The following PHF21A variants were observed in gnomAD, a reference collection of about 807,000 sequenced individuals.
PHF21A encodes the protein PHD finger protein 21A, also known as BHC80a.
PHF21A carries 11 observed loss-of-function variants against 82.5 expected under a neutral mutation model. The observed-to-expected ratio is 0.13, with a 90% CI of 0.08 to 0.22. The LOEUF is 0.22. Ranked by LOEUF, PHF21A falls within the 10% of genes least tolerant of loss-of-function variation. PHF21A has a pLI of 1.00. For missense variants in PHF21A, 579 were observed against 837.8 expected (o/e 0.69, Z 3.81); for synonymous variants, 297 against 302.8 (o/e 0.98, Z 0.20).
chr11:45,990,576 C>G (rs1201720822), intron 6 of PHF21A, among the ~76,000 whole-genome samples: 1 of 152,036 alleles, frequency 6.6e-6, no homozygotes, highest in East Asian at 1.9e-4. Context: ...CATCTTCTTC[C>G]AGTATACTCC....
At chr11:45,999,437 G>A (rs2095039579) in intron 6 of PHF21A, among the ~76,000 whole-genome samples, 1 of 152,170 alleles carries the variant, frequency 6.6e-6, no homozygotes, top group African/African-American at 2.4e-5. Flanking sequence ...CAGTGAAATA[G>A]CACATAGTAT....
At chr11:46,043,309 T>C (rs1451874171) in intron 6 of PHF21A, among the ~76,000 whole-genome samples, 1 of 152,176 alleles carries the variant, frequency 6.6e-6, no homozygotes, top group Non-Finnish European at 1.5e-5. Context: ...AACAGATTTA[T>C]GCAATTGTGG....
intron 6 of PHF21A, among the ~76,000 whole-genome samples, chr11:46,009,046 C>A (rs1419627769): frequency 2.7e-5 from 4 of 146,058 alleles, no homozygotes; most frequent in Non-Finnish European, 5.9e-5. Flanking sequence ...GTGATCCCGG[C>A]TCACTGCAAC....
chr11:45,953,533 G>A lies in PHF21A; in HGVS notation c.1089C>T (p.Asn363=). The change falls in exon 11 of 19, where the codon AAC becomes AAT. Residue 363 remains asparagine (N), a synonymous_variant. Coordinates refer to ENST00000676320, the MANE Select transcript of PHF21A (RefSeq NM_001352027.3). ...PAAPKPKREE[N]PQKLAFMVSL... ...TTTGGAAACATAGGCCTACCTGAGGGTTCTCCTCCCGTTTTGGTTTGGGTG... is the reference window on the plus strand; with the variant it reads ...TTTGGAAACATAGGCCTACCTGAGGATTCTCCTCCCGTTTTGGTTTGGGTG... The A allele has an allele frequency of 1.2e-6, 2 of 1,608,202 alleles. No homozygotes were observed. Among genetic ancestry groups the A allele is most frequent in the South Asian group, 1.1e-5 (1 of 90,946 alleles).
At chr11:46,113,470 T>C (rs946096638) in intron 1 of PHF21A, among the ~76,000 whole-genome samples, 1 of 152,194 alleles carries the variant, frequency 6.6e-6, no homozygotes, top group Non-Finnish European at 1.5e-5. Flanking sequence ...AATATAATTT[T>C]TGAAATAGTT....
chr11:45,934,548 T>TA (rs371707698), intron 18 of PHF21A: 4,343 of 213,514 alleles, frequency 0.02, no homozygotes, highest in Middle Eastern at 0.028. Flanking sequence ...AAAGGTTGTT[T>TA]AAAAAAAAAA....
chr11:46,056,753 G>C (rs981261022), intron 6 of PHF21A, among the ~76,000 whole-genome samples: 2 of 152,080 alleles, frequency 1.3e-5, no homozygotes, highest in African/African-American at 4.8e-5. Context: ...CTGCTTAAAA[G>C]ACCCTTAGAG....
intron 3 of PHF21A, among the ~76,000 whole-genome samples, chr11:46,084,840 C>T (rs1014270944): frequency 1.8e-4 from 27 of 152,066 alleles, no homozygotes; most frequent in African/African-American, 6.5e-4. Context: ...CCACTACGCC[C>T]GGCTCATTTT....
rs1229245131 is a variant in PHF21A, at chr11:46,030,838, T to TGC, written c.153+45915_153+45916insGC. Among the ~76,000 whole-genome samples the TGC allele has an allele frequency of 1.3e-3, 91 of 69,364 alleles. 1 individual carries two copies. Among genetic ancestry groups the TGC allele is most frequent in the East Asian group, 7.8e-3 (2 of 258 alleles). 45.5% of individuals were successfully genotyped at this position (69,364 alleles called of 152,430 possible). A position where few individuals can be genotyped will look rare whatever the true frequency, so the allele number is the denominator to read the frequency against. On this transcript the variant is annotated intron_variant, in intron 6 of 18. Coordinates refer to ENST00000676320, the MANE Select transcript of PHF21A (RefSeq NM_001352027.3). ...GTGTGTGCGTGTGTGTGCGTGTGTG[T>TGC]GTGTGTGTGTGTGTGTGTGTGTGTG... is the stretch of plus-strand genomic sequence containing the variant.
intron 3 of PHF21A, among the ~76,000 whole-genome samples, chr11:46,085,032 T>C (rs889434005): frequency 1.3e-5 from 2 of 151,992 alleles, no homozygotes; most frequent in African/African-American, 4.8e-5. Context: ...GTTCAGGGTT[T>C]CTCGGAGGTT....
chr11:45,963,934 C>T (rs572733008), intron 10 of PHF21A, among the ~76,000 whole-genome samples: 3 of 152,152 alleles, frequency 2.0e-5, no homozygotes, highest in African/African-American at 7.2e-5. Context: ...CGTGGTGGCT[C>T]ATGCCTGTAA....
chr11:45,962,430 T>C (rs1158539197), intron 10 of PHF21A, among the ~76,000 whole-genome samples: 4 of 151,904 alleles, frequency 2.6e-5, no homozygotes, highest in Admixed American at 2.0e-4. Flanking sequence ...GAAATATAAA[T>C]AGAAAACAAG....
In PHF21A at chr11:45,932,790, G is replaced by A. The variant is rs2087803453; in HGVS notation, c.*1178C>T. 6.6e-6 allele frequency: 1 copy of A among 152,366 alleles called. No individual in the cohort carries two copies. Among genetic ancestry groups the A allele is most frequent in the Non-Finnish European group, 1.5e-5 (1 of 68,006 alleles). 9.4% of individuals were successfully genotyped at this position (152,366 alleles called of 1,614,324 possible). On this transcript the variant is annotated 3_prime_UTR_variant, in exon 19 of 19. Transcript: ENST00000676320. This position sits in a 1 kb window ranked among gnomAD's most constrained non-coding sequence, Gnocchi z 4.3. ...AACAGTGCCCGAACGATGACACAAG[G>A]ACTCACAAAGACTCACGGGACCTCA...
intron 10 of PHF21A, among the ~76,000 whole-genome samples, chr11:45,957,877 C>G (rs2092783121): frequency 6.6e-6 from 1 of 151,260 alleles, no homozygotes; most frequent in Non-Finnish European, 1.5e-5. Flanking sequence ...AATCGACAAA[C>G]CTCTGGCTTA....
intron 6 of PHF21A, among the ~76,000 whole-genome samples, chr11:46,012,171 T>G (rs2095426735): frequency 6.6e-6 from 1 of 152,192 alleles, no homozygotes; most frequent in Non-Finnish European, 1.5e-5. Flanking sequence ...ACCCTAACCT[T>G]CTAATCATCC....
intron 6 of PHF21A, among the ~76,000 whole-genome samples, chr11:46,023,026 TG>T (rs1332032969): frequency 1.3e-5 from 2 of 152,084 alleles, no homozygotes; most frequent in Admixed American, 6.5e-5. Flanking sequence ...GCTGAGATTA[TG>T]GGCATGAGCC....
chr11:45,996,834 T>A (rs1348529120), intron 6 of PHF21A, among the ~76,000 whole-genome samples: 1 of 152,240 alleles, frequency 6.6e-6, no homozygotes, highest in African/African-American at 2.4e-5. Context: ...TGTTTCTGAG[T>A]ATATCCCTAA....
At chr11:46,064,299 G>A (rs1469346342) in intron 6 of PHF21A, among the ~76,000 whole-genome samples, 2 of 152,160 alleles carry the variant, frequency 1.3e-5, no homozygotes, top group Admixed American at 6.6e-5. Context: ...TTTAAAAGGC[G>A]ATGGAGGTGC....
At chr11:46,059,430 A>T (rs2096503894) in intron 6 of PHF21A, among the ~76,000 whole-genome samples, 1 of 151,994 alleles carries the variant, frequency 6.6e-6, no homozygotes, top group Admixed American at 6.6e-5. Flanking sequence ...AATTTTTTTT[A>T]TTTATTTATT....
Sources: gnomAD v4.1 joint callset for allele counts (sites outside exome capture counted in the v4.1 genomes callset) on GRCh38, gnomAD v4.1.1 for gene constraint, Gnocchi (gnomAD v3.1) non-coding constraint, MANE v1.5 for transcripts, NCBI Gene and HGNC (gene_info 2026-07-23, HGNC 2026-07-21) for gene names.